Variants in RIPOR2 observed in about 807,000 individuals in gnomAD.
RIPOR2 encodes the protein rho family-interacting cell polarization regulator 2.
A neutral mutation model predicts 114.5 loss-of-function variants in RIPOR2; 39 were observed. The observed-to-expected ratio is 0.34, with a 90% CI of 0.26 to 0.44. RIPOR2 has a LOEUF of 0.44. Ranked by LOEUF, RIPOR2 falls within the 20% of genes least tolerant of loss-of-function variation. The pLI is 1.00. For synonymous variants in RIPOR2, 445 were observed against 484.4 expected (o/e 0.92, Z 1.07); for missense variants, 1,007 against 1,255.1 (o/e 0.80, Z 2.99).
At chr6:25,025,487 A>C (rs1337317815) in intron 1 of RIPOR2, among the ~76,000 whole-genome samples, 1 of 152,126 alleles carries the variant, frequency 6.6e-6, no homozygotes, top group African/African-American at 2.4e-5. Flanking sequence ...TTAAAAAAAA[A>C]TGACAGTGAC....
chr6:25,023,918 C>T lies in RIPOR2; in HGVS notation c.76+17933G>A, dbSNP rs1404258161. 9 of 722,274 alleles carry T rather than the reference C, an allele frequency of 1.2e-5. No homozygotes were observed. In the African/African-American group the frequency reaches 1.4e-4, roughly 11 times the overall value. 44.7% of individuals were successfully genotyped at this position (722,274 alleles called of 1,614,324 possible). A position where few individuals can be genotyped will look rare whatever the true frequency, so the allele number is the denominator to read the frequency against. On this transcript the variant is annotated intron_variant, in intron 1 of 13. Coordinates refer to the RIPOR2 transcript ENST00000510784. The stretch of plus-strand genomic sequence containing the variant: ...TTCTTGGGGTTCTCCAGGATTCCAG[C>T]CTCGTAGCTGATGTGCATGAGGTTC...
intron 17 of RIPOR2, among the ~76,000 whole-genome samples, chr6:24,829,337 A>C (rs1157023590): frequency 6.6e-6 from 1 of 150,836 alleles, no homozygotes; most frequent in Non-Finnish European, 1.5e-5. Flanking sequence ...TAATTAATTA[A>C]AAAAAATTGC....
chr6:24,860,938 G>A lies in RIPOR2; in HGVS notation c.715+35C>T, dbSNP rs1448036962. The A allele has an allele frequency of 5.1e-6, 7 of 1,359,512 alleles. No individual in the cohort carries two copies. In the East Asian group the frequency reaches 1.6e-4, roughly 32 times the overall value. The allele number at this position is 1,359,512 out of a possible 1,614,324, so 84.2% of individuals were successfully genotyped here. A position where few individuals can be genotyped will look rare whatever the true frequency, so the allele number is the denominator to read the frequency against. Reference sequence around the variant, plus strand: ...AAGGAGCTCTGCACTCTGCAGAGATGGCTCCTTATTCTCTCTAAACAAGGA... The same window carrying A: ...AAGGAGCTCTGCACTCTGCAGAGATAGCTCCTTATTCTCTCTAAACAAGGA... On this transcript the variant is annotated intron_variant, in intron 8 of 21. Coordinates refer to ENST00000643898, the MANE Select transcript of RIPOR2 (RefSeq NM_001286445.3).
At chr6:24,840,909 A>C (rs944655838) in intron 13 of RIPOR2, 2 of 824,188 alleles carry the variant, frequency 2.4e-6, no homozygotes, top group African/African-American at 3.4e-5. Context: ...AGGGGGAGAC[A>C]GGGAGTCGGT....
intron 1 of RIPOR2, among the ~76,000 whole-genome samples, chr6:25,029,556 G>C (rs1776816504): frequency 1.3e-5 from 2 of 151,728 alleles, no homozygotes; most frequent in Admixed American, 6.6e-5. Context: ...ATGCCTCACA[G>C]ATGAGCAGGG....
intron 1 of RIPOR2, among the ~76,000 whole-genome samples, chr6:24,994,340 G>A (rs1184764690): frequency 6.6e-6 from 1 of 152,152 alleles, no homozygotes; most frequent in Non-Finnish European, 1.5e-5. Context: ...TACAGGTCAG[G>A]TAATACCATT....
At chr6:25,035,704 A>G (rs911063970) in intron 1 of RIPOR2, among the ~76,000 whole-genome samples, 6 of 152,158 alleles carry the variant, frequency 3.9e-5, no homozygotes, top group Admixed American at 1.3e-4. Flanking sequence ...GCCAGGACAG[A>G]AAGCTGATAG....
intron 1 of RIPOR2, among the ~76,000 whole-genome samples, chr6:24,990,912 C>A (rs1407154403): frequency 1.3e-5 from 2 of 152,200 alleles, no homozygotes; most frequent in Admixed American, 1.3e-4. Context: ...ACAATAAAAT[C>A]AAAATGCTCA....
chr6:25,036,389 G>T (rs573073695), intron 1 of RIPOR2, among the ~76,000 whole-genome samples: 8,320 of 152,032 alleles, frequency 0.055, 266 homozygotes, highest in Non-Finnish European at 0.068. Context: ...ACGGGTTTTT[G>T]TTTTGTTTTG....
chr6:25,028,945 T>C (rs1455036201), intron 1 of RIPOR2, among the ~76,000 whole-genome samples: 1 of 152,120 alleles, frequency 6.6e-6, no homozygotes, highest in Non-Finnish European at 1.5e-5. Context: ...GAAGGCACCA[T>C]TGTTCAGTAC....
rs550733090 is a variant in RIPOR2 at position 24,976,282 on chromosome 6, T to C, written c.76+65569A>G. 6 of 656,740 alleles carry C rather than the reference T, an allele frequency of 9.1e-6. No individual in the cohort carries two copies. In the East Asian group the frequency reaches 1.1e-4, roughly 12 times the overall value. 40.7% of individuals were successfully genotyped at this position (656,740 alleles called of 1,614,324 possible). On this transcript the variant is annotated intron_variant, in intron 1 of 13. Transcript: ENST00000510784. ...AAATAGTTACATATATTAGAACGTA[T>C]ATATGCCTTGAAATATTGTGCAACC...
intron 1 of RIPOR2, among the ~76,000 whole-genome samples, chr6:24,947,144 A>T (rs1772462575): frequency 6.6e-6 from 1 of 152,328 alleles, no homozygotes; most frequent in South Asian, 2.1e-4. Context: ...GAGGATATCC[A>T]GAGACACTCC....
chr6:24,806,806 TA>T (rs1780799345), intron 21 of RIPOR2, among the ~76,000 whole-genome samples: 1 of 152,212 alleles, frequency 6.6e-6, no homozygotes, highest in African/African-American at 2.4e-5. Flanking sequence ...TTAAGTACAT[TA>T]GGGATTTCAA....
intron 1 of RIPOR2, among the ~76,000 whole-genome samples, chr6:24,982,422 A>G (rs906833355): frequency 6.6e-6 from 1 of 152,222 alleles, no homozygotes; most frequent in Non-Finnish European, 1.5e-5. Flanking sequence ...TTTAGTTTCT[A>G]GGTGACTCAG....
chr6:24,987,731 C>T (rs763119725), intron 1 of RIPOR2, among the ~76,000 whole-genome samples: 13 of 152,202 alleles, frequency 8.5e-5, no homozygotes, highest in Non-Finnish European at 1.3e-4. Context: ...ATGTCCTTGC[C>T]GTTTAGTCAT....
intron 1 of RIPOR2, among the ~76,000 whole-genome samples, chr6:24,987,870 A>G (rs1055534808): frequency 2.0e-5 from 3 of 152,234 alleles, no homozygotes; most frequent in African/African-American, 7.2e-5. Flanking sequence ...GATAATAAAA[A>G]ATAAACCAGG....
intron 19 of RIPOR2, 108 bp downstream of exon 19, chr6:24,825,118 A>G: frequency 1.2e-6 from 1 of 811,342 alleles, no homozygotes; most frequent in Non-Finnish European, 1.9e-6. Context: ...CACATTATTA[A>G]TACGCAGAAA....
At chr6:24,973,456 A>T (rs1331517408) in intron 1 of RIPOR2, among the ~76,000 whole-genome samples, 3 of 151,964 alleles carry the variant, frequency 2.0e-5, no homozygotes, top group Admixed American at 6.6e-5. Flanking sequence ...ACAAAAAAAA[A>T]TTAGATGGGT....
At chr6:24,823,720 C>T (rs962074637) in intron 19 of RIPOR2, among the ~76,000 whole-genome samples, 1 of 152,110 alleles carries the variant, frequency 6.6e-6, no homozygotes, top group African/African-American at 2.4e-5. Context: ...TATAGAATAG[C>T]CAAAGGAAGG....
Sources: gnomAD v4.1 joint callset for allele counts (sites outside exome capture counted in the v4.1 genomes callset) on GRCh38, gnomAD v4.1.1 for gene constraint, MANE v1.5 for transcripts, NCBI Gene and HGNC (gene_info 2026-07-23, HGNC 2026-07-21) for gene names.